Variants in GPRC6A observed in about 807,000 individuals in gnomAD.
GPRC6A encodes G protein-coupled receptor class C group 6 member A, also known as G protein-coupled receptor family C group 6 member A.
A neutral mutation model predicts 47.0 loss-of-function variants in GPRC6A; 54 were observed. The ratio of observed to expected loss-of-function variants is 1.15; its 90% CI spans 0.92 to 1.44. The LOEUF (loss-of-function observed/expected upper bound fraction) is 1.44. GPRC6A is among the 40% of genes most tolerant of loss of function. GPRC6A has a pLI of 0.00. For synonymous variants in GPRC6A, 347 were observed against 377.1 expected (o/e 0.92, Z 0.93); for missense variants, 1,112 against 1,105.5 (o/e 1.01, Z -0.08).
intron 1 of GPRC6A, among the ~76,000 whole-genome samples, chr6:116,820,027 A>C (rs1448774313): frequency 6.6e-6 from 1 of 150,828 alleles, no homozygotes; most frequent in Non-Finnish European, 1.5e-5. Flanking sequence ...TAAAAGGGAT[A>C]TCACCACCGA....
chr6:116,800,263 T>TCCC (rs1772619266), intron 4 of GPRC6A, among the ~76,000 whole-genome samples: 3 of 81,990 alleles, frequency 3.7e-5, no homozygotes, highest in Admixed American at 1.4e-4. Flanking sequence ...TCTTCCTTCC[T>TCCC]TCCTCCCTCC....
intron 4 of GPRC6A, among the ~76,000 whole-genome samples, chr6:116,796,871 G>A (rs1050765609): frequency 2.0e-5 from 3 of 151,948 alleles, no homozygotes; most frequent in African/African-American, 7.3e-5. Flanking sequence ...GGACACAAAA[G>A]GATTTTATTT....
At chr6:116,807,701 C>A (rs1336421054) in intron 2 of GPRC6A, among the ~76,000 whole-genome samples, 1 of 152,026 alleles carries the variant, frequency 6.6e-6, no homozygotes, top group African/African-American at 2.4e-5. Flanking sequence ...ATATTTTAAG[C>A]TTTTTGGTCA....
intron 1 of GPRC6A, among the ~76,000 whole-genome samples, chr6:116,816,014 G>A (rs1773193633): frequency 1.3e-5 from 2 of 152,192 alleles, no homozygotes; most frequent in Non-Finnish European, 2.9e-5. Flanking sequence ...GGCAAAGGGG[G>A]GCGTTAGCAC....
At chr6:116,810,503 A>G (rs1772987758) in intron 1 of GPRC6A, among the ~76,000 whole-genome samples, 2 of 151,984 alleles carry the variant, frequency 1.3e-5, no homozygotes, top group Non-Finnish European at 2.9e-5. Flanking sequence ...CCAATTTTGC[A>G]CTTGTTGCTT....
intron 1 of GPRC6A, among the ~76,000 whole-genome samples, chr6:116,821,106 A>G (rs1773458193): frequency 1.3e-5 from 2 of 150,844 alleles, no homozygotes; most frequent in Non-Finnish European, 3.0e-5. Flanking sequence ...ACTCCCATTC[A>G]CAATTGCTTC....
At chr6:116,820,749 A>G (rs1224453961) in intron 1 of GPRC6A, among the ~76,000 whole-genome samples, 1 of 151,394 alleles carries the variant, frequency 6.6e-6, no homozygotes, top group East Asian at 1.9e-4. Flanking sequence ...CACAGCCAAT[A>G]TCATACTGAA....
At chr6:116,822,566 A>G (rs1172852890) in intron 1 of GPRC6A, among the ~76,000 whole-genome samples, 4 of 140,000 alleles carry the variant, frequency 2.9e-5, no homozygotes, top group Non-Finnish European at 6.1e-5. Context: ...TTGTAGGGAC[A>G]TGGATGAAAT....
intron 1 of GPRC6A, among the ~76,000 whole-genome samples, chr6:116,816,886 ACGC>A (rs1773232794): frequency 6.6e-6 from 1 of 152,092 alleles, no homozygotes; most frequent in Non-Finnish European, 1.5e-5. Context: ...AGAGGGTCCT[ACGC>A]CCACGGAATC....
At chr6:116,817,572 C>T (rs924752532) in intron 1 of GPRC6A, among the ~76,000 whole-genome samples, 1 of 152,190 alleles carries the variant, frequency 6.6e-6, no homozygotes, top group East Asian at 1.9e-4. Flanking sequence ...TTCAGATGAT[C>T]AAATTACTCT....
At chr6:116,799,207 C>T (rs1258900673) in intron 4 of GPRC6A, among the ~76,000 whole-genome samples, 1 of 152,098 alleles carries the variant, frequency 6.6e-6, no homozygotes, top group Non-Finnish European at 1.5e-5. Flanking sequence ...GAGATGTCAA[C>T]TAGGCAGTTG....
chr6:116,818,763 G>A (rs1317851939), intron 1 of GPRC6A, among the ~76,000 whole-genome samples: 1 of 151,354 alleles, frequency 6.6e-6, no homozygotes, highest in Non-Finnish European at 1.5e-5. Context: ...ATGCCAAAAT[G>A]TAAAGACCAT....
chr6:116,819,644 T>C (rs1450497111), intron 1 of GPRC6A, among the ~76,000 whole-genome samples: 1 of 152,200 alleles, frequency 6.6e-6, no homozygotes, highest in African/African-American at 2.4e-5. Context: ...GAAATAAAGA[T>C]GTTCTTTGAA....
At chr6:116,799,211 G>A (rs186102434) in intron 4 of GPRC6A, among the ~76,000 whole-genome samples, 2,088 of 152,262 alleles carry the variant, frequency 0.014, 26 homozygotes, top group Non-Finnish European at 0.023. Context: ...TGTCAACTAG[G>A]CAGTTGTATA....
chr6:116,828,504 T>C (rs2175622), intron 1 of GPRC6A, among the ~76,000 whole-genome samples: 1 of 151,974 alleles, frequency 6.6e-6, no homozygotes, highest in African/African-American at 2.4e-5. Flanking sequence ...ATGTGGGTTA[T>C]GTATGCTTGT....
intron 4 of GPRC6A, among the ~76,000 whole-genome samples, chr6:116,797,647 C>A (rs1215967576): frequency 6.6e-6 from 1 of 152,158 alleles, no homozygotes; most frequent in Non-Finnish European, 1.5e-5. Flanking sequence ...CATTCTGTCA[C>A]CTTCTCTTCA....
rs1029938108 is a variant in GPRC6A at position 116,795,511 on chromosome 6, A to C, written c.1672+201T>G. The stretch of plus-strand genomic sequence containing the variant: ...GAAGTAAAGTAACTTTTACATCTCT[A>C]TTATTTATTTGCTGTGCACCTGTTG... On this transcript the variant is annotated intron_variant, in intron 5 of 5. Transcript: ENST00000310357. 5.9e-5 allele frequency among the ~76,000 whole-genome samples: 9 copies of C among 152,284 alleles called. 1 individual carries two copies. In the East Asian group the frequency reaches 1.2e-3, roughly 20 times the overall value.
At chr6:116,815,258 G>C (rs2114608612) in intron 1 of GPRC6A, among the ~76,000 whole-genome samples, 1 of 152,254 alleles carries the variant, frequency 6.6e-6, no homozygotes, top group East Asian at 1.9e-4. Context: ...TGAGGCAGGT[G>C]GATCACTTGA....
chr6:116,809,490 C>G lies in GPRC6A; in HGVS notation c.322G>C (p.Val108Leu). 1 of 1,613,690 alleles carries G rather than the reference C, an allele frequency of 6.2e-7. No homozygotes were observed. Residue 108 changes from valine to leucine, a missense_variant, in exon 2 of 6, where the codon GTG becomes CTG. By Grantham distance (32) the Val-to-Leu change is conservative. Coordinates refer to ENST00000310357, the MANE Select transcript of GPRC6A (RefSeq NM_148963.4). ...EIYDTCTEVTVAMAATLRFLS... is the reference protein window; with the variant it reads ...EIYDTCTEVTLAMAATLRFLS... ...AACCTCAGAGTGGCTGCCATTGCCA[C>G]TGTGACTTCTGTACAAGTGTCATAG...
Sources: gnomAD v4.1 joint callset for allele counts (sites outside exome capture counted in the v4.1 genomes callset) on GRCh38, gnomAD v4.1.1 for gene constraint, MANE v1.5 for transcripts, NCBI Gene and HGNC (gene_info 2026-07-23, HGNC 2026-07-21) for gene names.